Variants in SLCO1A2 observed in about 807,000 individuals in gnomAD.
The protein encoded by SLCO1A2 is solute carrier organic anion transporter family member 1A2, also known as OATP-1.
Under a neutral mutation model 69.0 loss-of-function variants are expected in SLCO1A2, and 67 were observed. The observed-to-expected ratio is 0.97, with a 90% CI of 0.80 to 1.19. SLCO1A2 has a LOEUF of 1.19. SLCO1A2 is among the 50% of genes most tolerant of loss of function. SLCO1A2 has a pLI of 0.00. For missense variants in SLCO1A2, 787 were observed against 793.7 expected (o/e 0.99, Z 0.10); for synonymous variants, 260 against 265.9 (o/e 0.98, Z 0.22).
At chr12:21,301,367 T>G (rs1343287375) in intron 6 of SLCO1A2, 98 bp from the exon 7 acceptor site, 4 of 624,424 alleles carry the variant, frequency 6.4e-6, no homozygotes, top group Non-Finnish European at 9.9e-6. Context: ...ATTTTTGCCT[T>G]GGATACTTTT....
At chr12:21,318,428 C>T (rs1213078004) in intron 3 of SLCO1A2, among the ~76,000 whole-genome samples, 1 of 152,054 alleles carries the variant, frequency 6.6e-6, no homozygotes, top group Non-Finnish European at 1.5e-5. Flanking sequence ...GGTCTTCTAC[C>T]TTTGTATCTT....
chr12:21,394,555 G>GCACACACACACA (rs35166807), intron 1 of SLCO1A2, among the ~76,000 whole-genome samples: 5 of 138,908 alleles, frequency 3.6e-5, no homozygotes, highest in Non-Finnish European at 6.2e-5. Flanking sequence ...AATAACACAC[G>GCACACACACACA]CACACACACA....
At chr12:21,317,895 C>T (rs1010856880) in intron 3 of SLCO1A2, among the ~76,000 whole-genome samples, 1 of 152,014 alleles carries the variant, frequency 6.6e-6, no homozygotes, top group Admixed American at 6.6e-5. Flanking sequence ...TCACATATTC[C>T]CAGTCATCCA....
At chr12:21,300,028 A>ATG (rs1273720022) in intron 8 of SLCO1A2, among the ~76,000 whole-genome samples, 6 of 145,734 alleles carry the variant, frequency 4.1e-5, no homozygotes, top group African/African-American at 1.1e-4. Context: ...ATGTGTATAT[A>ATG]TGTGTGTATA....
intron 1 of SLCO1A2, among the ~76,000 whole-genome samples, chr12:21,381,062 T>G (rs541758149): frequency 6.6e-6 from 1 of 151,936 alleles, no homozygotes; most frequent in Non-Finnish European, 1.5e-5. Context: ...ATCTCAGAAG[T>G]TGGGTGAGTG....
Position 21,357,142 on chromosome 12 carries a change from G to A in SLCO1A2, c.-63+17257C>T, listed in dbSNP as rs188462760. On this transcript the variant is annotated intron_variant, in intron 2 of 15. Transcript: ENST00000307378. ...AACTGTGTCCCTGCAAAATGCATCT[G>A]TTGAAGTCCAAATAGTACCTCAGAA... Among the ~76,000 whole-genome samples the A allele has an allele frequency of 1.8e-4, 28 of 152,290 alleles. 1 individual carries two copies. The East Asian group carries it at 2.1e-3, about 12-fold the overall frequency.
At chr12:21,418,704 A>G (rs1942028886), upstream of SLCO1A2, among the ~76,000 whole-genome samples, 1 of 152,110 alleles carries the variant, frequency 6.6e-6, no homozygotes, top group Non-Finnish European at 1.5e-5. Flanking sequence ...ACGTGTGGGA[A>G]TTATGGGAGC....
chr12:21,292,169 G>C lies in SLCO1A2; in HGVS notation c.1605C>G (p.Leu535=), dbSNP rs986129348. Residue 535 remains leucine (L), a synonymous_variant, in exon 12 of 15, where the codon CTC becomes CTG. Transcript: ENST00000683939. ...SLAAIPGYMV[L]LRCMKSEEKS... The stretch of plus-strand genomic sequence containing the variant: ...TAAAGAAAATAATTTTGTACCTCAA[G>C]AGAACCATATATCCAGGTATGGCAG... The C allele has an allele frequency of 1.9e-6, 3 of 1,580,316 alleles. No individual in the cohort carries two copies. The African/African-American group carries it at 4.1e-5, about 22-fold the overall frequency.
chr12:21,349,227 A>T (rs1482475526), intron 2 of SLCO1A2, among the ~76,000 whole-genome samples: 4 of 152,148 alleles, frequency 2.6e-5, no homozygotes, highest in Non-Finnish European at 5.9e-5. Flanking sequence ...CTTGAGATAT[A>T]AAGAGAAGGA....
intron 13 of SLCO1A2, 47 bp downstream of exon 13, chr12:21,275,313 T>C (rs2199688): frequency 2.1e-6 from 3 of 1,431,578 alleles, no homozygotes; most frequent in African/African-American, 2.9e-5. Context: ...AAAATAATAA[T>C]AATAATATTG....
intron 12 of SLCO1A2, among the ~76,000 whole-genome samples, chr12:21,289,839 C>G (rs988984811): frequency 5.3e-5 from 8 of 151,742 alleles, no homozygotes; most frequent in Non-Finnish European, 1.5e-5. Context: ...TAGGACTGAA[C>G]CGTTTAACTT....
In SLCO1A2 at chr12:21,376,245, T is replaced by C. The variant is rs866892804; in HGVS notation, c.-189-1720A>G. 9.7e-5 allele frequency: 21 copies of C among 216,764 alleles called. 2 individuals carry two copies. The highest frequency in any genetic ancestry group is 9.4e-4 in the Middle Eastern group (2 of 2,118). 13.4% of individuals were successfully genotyped at this position (216,764 alleles called of 1,614,324 possible). A position where few individuals can be genotyped will look rare whatever the true frequency, so the allele number is the denominator to read the frequency against. ...TTCACACTGTGCTTCAGTCATATGC[T>C]AAACATATCTTGGAACAGATATTAC... is the stretch of plus-strand genomic sequence containing the variant. On this transcript the variant is annotated intron_variant, in intron 1 of 15. Coordinates refer to the SLCO1A2 transcript ENST00000307378.
chr12:21,271,570 G>C (rs193238808), intron 14 of SLCO1A2, among the ~76,000 whole-genome samples: 12 of 149,388 alleles, frequency 8.0e-5, no homozygotes, highest in Admixed American at 5.4e-4. Context: ...TTAATTTTCA[G>C]CCTTTTATGT....
intron 3 of SLCO1A2, among the ~76,000 whole-genome samples, chr12:21,317,819 C>A (rs1298284845): frequency 6.6e-6 from 1 of 152,174 alleles, no homozygotes; most frequent in African/African-American, 2.4e-5. Flanking sequence ...AGGAGTGACA[C>A]TTATATTTCT....
intron 2 of SLCO1A2, among the ~76,000 whole-genome samples, chr12:21,341,337 T>C (rs1242627141): frequency 6.6e-6 from 1 of 152,038 alleles, no homozygotes; most frequent in African/African-American, 2.4e-5. Flanking sequence ...AATCCTGTGG[T>C]TGATTTTATT....
At chr12:21,393,188 G>A (rs1382057951) in intron 1 of SLCO1A2, among the ~76,000 whole-genome samples, 1 of 152,112 alleles carries the variant, frequency 6.6e-6, no homozygotes, top group South Asian at 2.1e-4. Flanking sequence ...TGTATATGCA[G>A]ATAAAGATCA....
At chr12:21,300,659 C>T (rs1948602804) in intron 7 of SLCO1A2, 90 bp from the exon 8 acceptor site, 2 of 1,025,934 alleles carry the variant, frequency 1.9e-6, no homozygotes, top group South Asian at 2.2e-5. Flanking sequence ...TTATCGGGTC[C>T]CAACCAACTA....
chr12:21,365,053 G>A (rs1227964794), intron 2 of SLCO1A2, among the ~76,000 whole-genome samples: 1 of 152,094 alleles, frequency 6.6e-6, no homozygotes, highest in East Asian at 1.9e-4. Context: ...CTACTTTAAA[G>A]TTCATATGGA....
intron 2 of SLCO1A2, among the ~76,000 whole-genome samples, chr12:21,330,808 A>C (rs1355563184): frequency 6.6e-6 from 1 of 152,144 alleles, no homozygotes; most frequent in Non-Finnish European, 1.5e-5. Context: ...AATTTCCTTT[A>C]ATTGTAGCCA....
Sources: allele counts gnomAD v4.1 joint callset (sites outside exome capture counted in the v4.1 genomes callset), GRCh38; gene constraint gnomAD v4.1.1; transcripts MANE v1.5; gene names NCBI Gene and HGNC (gene_info 2026-07-23, HGNC 2026-07-21).